Variants in FRMD7 observed in about 807,000 individuals in gnomAD.
FRMD7 encodes the protein FERM domain-containing protein 7.
A neutral mutation model predicts 44.1 loss-of-function variants in FRMD7; 14 were observed. That is an observed-to-expected ratio of 0.32 (90% CI 0.21 to 0.50). FRMD7 has a LOEUF of 0.50. Among genes scored for constraint, FRMD7 ranks in the 20% least tolerant of loss-of-function variants. The pLI, the probability that FRMD7 is intolerant of heterozygous loss-of-function variation, is 0.99. For missense variants in FRMD7, 501 were observed against 522.3 expected (o/e 0.96, Z 0.40); for synonymous variants, 212 against 187.4 (o/e 1.13, Z -1.07).
At chrX:132,094,666 A>G (rs1928276751) in intron 4 of FRMD7, among the ~76,000 whole-genome samples, 1 of 111,892 alleles carries the variant, frequency 8.9e-6, no homozygotes, top group African/African-American at 3.3e-5. Flanking sequence ...CTGTGGCTAG[A>G]ACTTAGGTCT....
rs745846839 is a variant in FRMD7 at position 132,077,947 on chromosome X, ATCT to A, written c.2067_2069del (p.Glu689del). Reference sequence around the variant, plus strand: ...TTGGTGTGTTGAAATAAGCATCTTCATCTTCTTCATCTAACTGTAGACTACCAG... The same window carrying A: ...TTGGTGTGTTGAAATAAGCATCTTCATCTTCATCTAACTGTAGACTACCAG... On this transcript the variant is annotated inframe_deletion, in exon 12 of 12. Coordinates refer to ENST00000298542, the MANE Select transcript of FRMD7 (RefSeq NM_194277.3). The A allele has an allele frequency of 6.6e-6, 8 of 1,209,675 alleles. No homozygotes were observed. The highest frequency in any genetic ancestry group is 2.3e-4 in the Middle Eastern group (1 of 4,371).
intron 1 of FRMD7, among the ~76,000 whole-genome samples, chrX:132,114,699 C>T (rs188123807): frequency 7.1e-5 from 8 of 112,158 alleles, no homozygotes; most frequent in African/African-American, 2.6e-4. Context: ...TTCCACATCT[C>T]CACATTAGCC....
At chrX:132,120,510 C>T (rs1238331864) in intron 1 of FRMD7, among the ~76,000 whole-genome samples, 3 of 113,102 alleles carry the variant, frequency 2.7e-5, no homozygotes, top group Admixed American at 9.3e-5. Flanking sequence ...ACGCCACCCA[C>T]CTATAGCTCC....
In FRMD7 at chrX:132,095,111, T is replaced by C. The variant is rs756619810; in HGVS notation, c.285-972A>G. Among the ~76,000 whole-genome samples, 896 of 96,949 alleles carry C rather than the reference T, an allele frequency of 9.2e-3. 12 individuals carry two copies. The highest frequency in any genetic ancestry group is 0.032 in the African/African-American group (850 of 26,435). The allele number at this position is 96,949 out of a possible 115,157, so 84.2% of individuals were successfully genotyped here. On this transcript the variant is annotated intron_variant, in intron 4 of 11. Coordinates refer to ENST00000298542, the MANE Select transcript of FRMD7 (RefSeq NM_194277.3). ...ATTTATTTATTTATTTATTTATTTA[T>C]TGAGATAGAGTCTCACTCTGTTACC...
chrX:132,085,906 C>G lies in FRMD7; in HGVS notation c.497+14G>C. 8.9e-7 allele frequency: 1 copy of G among 1,124,033 alleles called. No homozygotes were observed. Among genetic ancestry groups the G allele is most frequent in the Non-Finnish European group, 1.2e-6 (1 of 815,534 alleles). The allele number at this position is 1,124,033 out of a possible 1,213,427, so 92.6% of individuals were successfully genotyped here. On this transcript the variant is annotated intron_variant, in intron 6 of 11. Coordinates refer to ENST00000298542, the MANE Select transcript of FRMD7 (RefSeq NM_194277.3). ...CTCTACTGGGGGAAGCAGGTGCCAG[C>G]TGAAAGTACTTACATGTGCTTCTGA... is the stretch of plus-strand genomic sequence containing the variant.
At chrX:132,098,133 T>A (rs1928397217) in intron 3 of FRMD7, among the ~76,000 whole-genome samples, 1 of 112,094 alleles carries the variant, frequency 8.9e-6, no homozygotes, top group Non-Finnish European at 1.9e-5. Flanking sequence ...GTGGCCAGAT[T>A]TAGTGAATAA....
Position 132,077,664 on chromosome X carries a change from G to T in FRMD7, c.*208C>A. The T allele has an allele frequency of 2.0e-6, 1 of 501,620 alleles. No homozygotes were observed. The highest frequency in any genetic ancestry group is 3.3e-6 in the Non-Finnish European group (1 of 306,888). The allele number at this position is 501,620 out of a possible 1,213,427, so 41.3% of individuals were successfully genotyped here. A position where few individuals can be genotyped will look rare whatever the true frequency, so the allele number is the denominator to read the frequency against. On this transcript the variant is annotated 3_prime_UTR_variant, in exon 12 of 12. Coordinates refer to ENST00000298542, the MANE Select transcript of FRMD7 (RefSeq NM_194277.3). ...CACAGTGCTGGTGAGGAGAGGGCAT[G>T]TTCTAAAGTCCCTTCAGAGGTAATG...
intron 5 of FRMD7, among the ~76,000 whole-genome samples, chrX:132,090,685 T>C (rs1285623478): frequency 1.8e-5 from 2 of 111,552 alleles, no homozygotes; most frequent in Admixed American, 1.9e-4. Context: ...GTTGTGCATT[T>C]AAAATGGGTG....
At chrX:132,088,375 C>T (rs1928062952) in intron 5 of FRMD7, among the ~76,000 whole-genome samples, 1 of 110,764 alleles carries the variant, frequency 9.0e-6, no homozygotes, top group Admixed American at 9.6e-5. Context: ...CATGGCAAGA[C>T]CCCATCTCTA....
intron 4 of FRMD7, among the ~76,000 whole-genome samples, chrX:132,094,499 G>C (rs1225722235): frequency 8.9e-6 from 1 of 112,155 alleles, no homozygotes; most frequent in Admixed American, 9.4e-5. Context: ...GCACTCAGGA[G>C]GCCAGTAGCA....
chrX:132,119,261 G>A (rs1169249399), intron 1 of FRMD7, among the ~76,000 whole-genome samples: 25 of 112,296 alleles, frequency 2.2e-4, no homozygotes. Flanking sequence ...ATGATTGTAT[G>A]AAATAATGTA....
intron 1 of FRMD7, among the ~76,000 whole-genome samples, chrX:132,104,986 A>G (rs1395761413): frequency 6.2e-5 from 7 of 112,460 alleles, no homozygotes; most frequent in Non-Finnish European, 1.3e-4. Flanking sequence ...TAAAGACTCA[A>G]TAAGGGGGAG....
intron 5 of FRMD7, among the ~76,000 whole-genome samples, chrX:132,086,753 C>T (rs1180270833): frequency 8.9e-6 from 1 of 111,768 alleles, no homozygotes; most frequent in African/African-American, 3.3e-5. Context: ...GCCATTCAGT[C>T]TCTGGTATTT....
intron 4 of FRMD7, among the ~76,000 whole-genome samples, chrX:132,095,471 G>A (rs1485846884): frequency 9.0e-6 from 1 of 111,666 alleles, no homozygotes; most frequent in Non-Finnish European, 1.9e-5. Flanking sequence ...TCTAAATAAA[G>A]GTCTATGTGT....
intron 1 of FRMD7, among the ~76,000 whole-genome samples, chrX:132,108,941 C>T (rs1300913764): frequency 8.9e-6 from 1 of 111,780 alleles, no homozygotes; most frequent in Non-Finnish European, 1.9e-5. Flanking sequence ...AACTGTGAAT[C>T]ATTAAAGCTC....
chrX:132,110,067 G>C (rs1928739655), intron 1 of FRMD7, among the ~76,000 whole-genome samples: 1 of 111,181 alleles, frequency 9.0e-6, no homozygotes, highest in Admixed American at 9.6e-5. Flanking sequence ...CCTAAAAGTA[G>C]TTAGGGCACT....
chrX:132,118,160 A>T (rs1195523446), intron 1 of FRMD7, among the ~76,000 whole-genome samples: 1 of 111,307 alleles, frequency 9.0e-6, no homozygotes, highest in African/African-American at 3.3e-5. Flanking sequence ...TAGGGGAGAG[A>T]GTTGGGGATT....
At chrX:132,097,406 C>A in intron 3 of FRMD7, 62 bp from the exon 4 acceptor site, 1 of 431,207 alleles carries the variant, frequency 2.3e-6, no homozygotes, top group Non-Finnish European at 4.1e-6. Flanking sequence ...TATAGGTACA[C>A]ACACACACAC....
chrX:132,111,905 C>A (rs1445893035), intron 1 of FRMD7, among the ~76,000 whole-genome samples: 1 of 112,228 alleles, frequency 8.9e-6, no homozygotes, highest in East Asian at 2.8e-4. Flanking sequence ...ACCTTATTTA[C>A]AGAGAGCTTA....
Sources: allele counts gnomAD v4.1 joint callset (sites outside exome capture counted in the v4.1 genomes callset), GRCh38; gene constraint gnomAD v4.1.1; transcripts MANE v1.5; gene names NCBI Gene and HGNC (gene_info 2026-07-23, HGNC 2026-07-21).